CERS6: variants seen among roughly 807,000 people sequenced by gnomAD.
The protein encoded by CERS6 is ceramide synthase 6.
Under a neutral mutation model 56.8 loss-of-function variants are expected in CERS6, and 26 were observed. The ratio of observed to expected loss-of-function variants is 0.46; its 90% CI spans 0.34 to 0.63. The LOEUF is 0.63. Ranked by LOEUF, CERS6 falls within the 30% of genes least tolerant of loss-of-function variation. CERS6 has a pLI of 0.01. For missense variants in CERS6, 415 were observed against 467.5 expected (o/e 0.89, Z 1.04); for synonymous variants, 164 against 173.3 (o/e 0.95, Z 0.42).
intron 1 of CERS6, among the ~76,000 whole-genome samples, chr2:168,491,796 C>T (rs1453556769): frequency 2.0e-5 from 3 of 150,366 alleles, no homozygotes; most frequent in Admixed American, 6.7e-5. Context: ...CCAACAGGCC[C>T]AGTGTGTGTT....
intron 1 of CERS6, among the ~76,000 whole-genome samples, chr2:168,469,153 G>T (rs1693934302): frequency 6.6e-6 from 1 of 152,020 alleles, no homozygotes; most frequent in Admixed American, 6.5e-5. Context: ...TTCTTTAAGA[G>T]AAATAAACCT....
At chr2:168,540,290 G>T (rs1695343720) in intron 1 of CERS6, among the ~76,000 whole-genome samples, 1 of 152,010 alleles carries the variant, frequency 6.6e-6, no homozygotes, top group African/African-American at 2.4e-5. Flanking sequence ...CCTTTTCTAT[G>T]TTTATTTATT....
At chr2:168,666,089 T>C (rs1428977585) in intron 4 of CERS6, among the ~76,000 whole-genome samples, 4 of 151,976 alleles carry the variant, frequency 2.6e-5, no homozygotes, top group Non-Finnish European at 4.4e-5. Context: ...CACTCCCCAG[T>C]TTTCCCTTTT....
chr2:168,581,003 T>C (rs1219694303), intron 3 of CERS6, among the ~76,000 whole-genome samples: 2 of 151,798 alleles, frequency 1.3e-5, no homozygotes, highest in African/African-American at 4.9e-5. Context: ...CTTAAATCTA[T>C]GAATCTATGG....
chr2:168,621,541 A>AT (rs1684471688), intron 3 of CERS6, among the ~76,000 whole-genome samples: 1 of 152,168 alleles, frequency 6.6e-6, no homozygotes, highest in South Asian at 2.1e-4. Context: ...ATGACATTGA[A>AT]TTTTTTGCAG....
intron 1 of CERS6, among the ~76,000 whole-genome samples, chr2:168,526,856 C>T (rs1695080956): frequency 6.6e-6 from 1 of 152,328 alleles, no homozygotes; most frequent in East Asian, 1.9e-4. Flanking sequence ...CAGCAGCCTT[C>T]AACAAATTCT....
At chr2:168,698,255 G>GAAAAAAAAAAAAAAAAAAAAAAAAAAA (rs869056813) in intron 6 of CERS6, among the ~76,000 whole-genome samples, 1 of 17,946 alleles carries the variant, frequency 5.6e-5, no homozygotes, top group African/African-American at 8.2e-5. Flanking sequence ...AAAAAAAAAA[G>GAAAAAAAAAAAAAAAAAAAAAAAAAAA]AAAAAAAAAA....
intron 1 of CERS6, among the ~76,000 whole-genome samples, chr2:168,542,798 G>A (rs1036574225): frequency 2.0e-5 from 3 of 152,130 alleles, no homozygotes; most frequent in Non-Finnish European, 4.4e-5. Context: ...CCGGGTTCAA[G>A]CGATTCTCCT....
At chr2:168,732,059 T>C (rs910803683) in intron 8 of CERS6, among the ~76,000 whole-genome samples, 3 of 152,212 alleles carry the variant, frequency 2.0e-5, no homozygotes, top group Admixed American at 6.5e-5. Flanking sequence ...GAAACAGAGC[T>C]TGAATGTCTC....
intron 1 of CERS6, among the ~76,000 whole-genome samples, chr2:168,506,936 C>T (rs764078161): frequency 3.3e-5 from 5 of 152,138 alleles, no homozygotes; most frequent in East Asian, 1.9e-4. Flanking sequence ...GATTTCAAAA[C>T]GATTTCAAAC....
At chr2:168,735,209 G>A (rs1485079779) in intron 8 of CERS6, among the ~76,000 whole-genome samples, 1 of 151,648 alleles carries the variant, frequency 6.6e-6, no homozygotes, top group Non-Finnish European at 1.5e-5. Flanking sequence ...TTTTAACTCC[G>A]TGCCAGGCTC....
intron 3 of CERS6, among the ~76,000 whole-genome samples, chr2:168,596,976 A>G (rs10497343): frequency 0.022 from 3,285 of 152,300 alleles, 123 homozygotes; most frequent in African/African-American, 0.075. Flanking sequence ...TATTCTCTCT[A>G]AAAATACAAT....
rs149450356 is a variant in CERS6, at chr2:168,715,209, T to C, written c.738+80T>C. ...CAATCTCATTAGCTCTTCAGTGTTA[T>C]GCTAGATGGTGCTTGGGTACAATAG... On this transcript the variant is annotated intron_variant, in intron 7 of 9. Transcript: ENST00000305747. 969 of 1,222,240 alleles carry C rather than the reference T, an allele frequency of 7.9e-4. 2 individuals are homozygous for C. Among genetic ancestry groups the C allele is most frequent in the Non-Finnish European group, 9.9e-4 (868 of 876,508 alleles). 75.7% of individuals were successfully genotyped at this position (1,222,240 alleles called of 1,614,324 possible).
At chr2:168,664,863 GTAGGTTTCAGCCTCA>G (rs2105332263) in intron 4 of CERS6, among the ~76,000 whole-genome samples, 1 of 152,280 alleles carries the variant, frequency 6.6e-6, no homozygotes, top group East Asian at 1.9e-4. Flanking sequence ...GTGCAGCCCA[GTAGGTTTCAGCCTCA>G]TTTTACCCAG....
chr2:168,681,165 G>A (rs1322581094), intron 4 of CERS6, among the ~76,000 whole-genome samples: 1 of 152,216 alleles, frequency 6.6e-6, no homozygotes, highest in Admixed American at 6.5e-5. Flanking sequence ...AGGGACTGAT[G>A]GGGATCTTGG....
chr2:168,550,746 C>T (rs1305830492), intron 2 of CERS6, among the ~76,000 whole-genome samples: 1 of 152,230 alleles, frequency 6.6e-6, no homozygotes, highest in African/African-American at 2.4e-5. Flanking sequence ...GCATTGCAAC[C>T]TCTATGCCCA....
At chr2:168,458,216 A>G (rs1392349273) in intron 1 of CERS6, among the ~76,000 whole-genome samples, 1 of 152,170 alleles carries the variant, frequency 6.6e-6, no homozygotes, top group Admixed American at 6.5e-5. Context: ...ATTATGATAA[A>G]TTGTGTCTGA....
intron 3 of CERS6, among the ~76,000 whole-genome samples, chr2:168,572,379 A>G (rs1298600440): frequency 6.6e-6 from 1 of 152,102 alleles, no homozygotes; most frequent in Non-Finnish European, 1.5e-5. Context: ...TATGTTAGAT[A>G]TTAAAAGTTC....
At chr2:168,547,482 AAATCCTACCAACACTTTATT>A in intron 1 of CERS6, 94 bp from the exon 2 acceptor site, 1 of 699,380 alleles carries the variant, frequency 1.4e-6, no homozygotes, top group Non-Finnish European at 2.5e-6. Context: ...TACACCCATG[AAATCCTACCAACACTTTATT>A]GGGATAATTG....
Sources: gnomAD v4.1 joint callset for allele counts (sites outside exome capture counted in the v4.1 genomes callset) on GRCh38, gnomAD v4.1.1 for gene constraint, MANE v1.5 for transcripts, NCBI Gene and HGNC (gene_info 2026-07-23, HGNC 2026-07-21) for gene names.